EMP2: variants seen among roughly 807,000 people sequenced by gnomAD.
EMP2 encodes epithelial membrane protein 2.
Under a neutral mutation model 13.7 loss-of-function variants are expected in EMP2, and 19 were observed. The ratio of observed to expected loss-of-function variants is 1.38; its 90% confidence interval spans 0.97 to 2.03. The LOEUF is 2.03. Ranked by LOEUF, EMP2 falls within the 30% of genes most tolerant of loss-of-function variation. EMP2 has a pLI of 0.00. For missense variants in EMP2, 253 were observed against 220.7 expected (o/e 1.15, Z -0.93); for synonymous variants, 97 against 84.7 (o/e 1.15, Z -0.80).
intron 1 of EMP2, among the ~76,000 whole-genome samples, chr16:10,550,405 C>T (rs2050777983): frequency 6.6e-6 from 1 of 152,176 alleles, no homozygotes; most frequent in African/African-American, 2.4e-5. Flanking sequence ...AATACTTCCT[C>T]AGGTCTGTCT....
chr16:10,548,697 G>A (rs1205395488), intron 1 of EMP2, among the ~76,000 whole-genome samples: 5 of 151,368 alleles, frequency 3.3e-5, no homozygotes, highest in South Asian at 4.2e-4. Context: ...ACATCTCAAA[G>A]AAATAAAAAT....
chr16:10,533,036 C>A lies in EMP2; in HGVS notation c.373G>T (p.Asp125Tyr). The A allele has an allele frequency of 1.9e-6, 3 of 1,610,846 alleles. No individual in the cohort carries two copies. Among genetic ancestry groups the A allele is most frequent in the Non-Finnish European group, 2.5e-6 (3 of 1,178,564 alleles). The change falls in exon 5 of 5, where the codon GAC (aspartate) becomes TAC (tyrosine). Residue 125 changes from aspartate to tyrosine, a missense_variant. Coordinates refer to ENST00000359543, the MANE Select transcript of EMP2 (RefSeq NM_001424.6). ...ACGGGATAGAATTTCGCGTTTTTGTCGTGAATGTCTTCACGCCTGTCTGTA... is the reference window on the plus strand; with the variant it reads ...ACGGGATAGAATTTCGCGTTTTTGTAGTGAATGTCTTCACGCCTGTCTGTA... ...IYTDRREDIH[D>Y]KNAKFYPVTR...
Position 10,531,867 on chromosome 16 carries a change from G to C in EMP2, c.*1038C>G, listed in dbSNP as rs2050605760. 6.5e-6 allele frequency: 1 copy of C among 154,816 alleles called. No individual in the cohort carries two copies. Among genetic ancestry groups the C allele is most frequent in the Non-Finnish European group, 1.5e-5 (1 of 68,232 alleles). 9.6% of individuals were successfully genotyped at this position (154,816 alleles called of 1,614,324 possible). On this transcript the variant is annotated 3_prime_UTR_variant, in exon 5 of 5. Transcript: ENST00000359543. ...TGTAGCATGAAGGGCTGGACAAGAA[G>C]GGAGAGGCCTTCTGGGATAAGATGG...
intron 1 of EMP2, among the ~76,000 whole-genome samples, chr16:10,571,265 A>C (rs1334384954): frequency 2.0e-5 from 3 of 149,574 alleles, no homozygotes; most frequent in South Asian, 2.1e-4. Flanking sequence ...CAAAAAAAAA[A>C]AAAAAAAAAA....
intron 3 of EMP2, among the ~76,000 whole-genome samples, chr16:10,540,024 A>G (rs1348375185): frequency 1.3e-5 from 2 of 152,174 alleles, no homozygotes; most frequent in Non-Finnish European, 2.9e-5. Context: ...TGATGGGGCA[A>G]ATGGGGAAAA....
At chr16:10,553,132 G>A (rs2050800492) in intron 1 of EMP2, among the ~76,000 whole-genome samples, 1 of 152,226 alleles carries the variant, frequency 6.6e-6, no homozygotes, top group East Asian at 1.9e-4. Flanking sequence ...TTCACAAGTA[G>A]CGGAAATCCC....
chr16:10,550,801 C>G (rs2050781688), intron 1 of EMP2, among the ~76,000 whole-genome samples: 1 of 152,036 alleles, frequency 6.6e-6, no homozygotes, highest in South Asian at 2.1e-4. Context: ...GTAGTGAAAC[C>G]CTGTCTCTAC....
At chr16:10,551,301 C>T (rs2050786700) in intron 1 of EMP2, among the ~76,000 whole-genome samples, 1 of 152,262 alleles carries the variant, frequency 6.6e-6, no homozygotes, top group African/African-American at 2.4e-5. Flanking sequence ...AAGGTCCATC[C>T]ATGATGTGGC....
intron 3 of EMP2, among the ~76,000 whole-genome samples, chr16:10,542,950 ATTCTCTTGCTTCAGCC>A (rs1178496049): frequency 6.6e-6 from 1 of 152,194 alleles, no homozygotes; most frequent in African/African-American, 2.4e-5. Flanking sequence ...GATTCAAGCA[ATTCTCTTGCTTCAGCC>A]TCCTCAGTGG....
At chr16:10,534,235 T>C (rs542845099) in intron 4 of EMP2, among the ~76,000 whole-genome samples, 1 of 152,246 alleles carries the variant, frequency 6.6e-6, no homozygotes, top group Admixed American at 6.5e-5. Flanking sequence ...GGATGAAATA[T>C]CTGGAGTTGC....
intron 1 of EMP2, among the ~76,000 whole-genome samples, chr16:10,563,975 G>A (rs969396785): frequency 3.9e-5 from 6 of 152,258 alleles, no homozygotes; most frequent in South Asian, 2.1e-4. Flanking sequence ...GTGAACCAGT[G>A]GTGTTAGCAA....
chr16:10,577,684 C>T (rs2050992979), intron 1 of EMP2, among the ~76,000 whole-genome samples: 1 of 152,118 alleles, frequency 6.6e-6, no homozygotes, highest in Non-Finnish European at 1.5e-5. Context: ...ATCACCTGCC[C>T]TCCTGAGACA....
chr16:10,541,382 T>A (rs1427274919), intron 3 of EMP2, among the ~76,000 whole-genome samples: 1 of 152,222 alleles, frequency 6.6e-6, no homozygotes, highest in Non-Finnish European at 1.5e-5. Context: ...TCTTGTTGAA[T>A]GTTCTTTTTG....
chr16:10,540,400 G>T (rs2050685356), intron 3 of EMP2, among the ~76,000 whole-genome samples: 1 of 152,094 alleles, frequency 6.6e-6, no homozygotes, highest in South Asian at 2.1e-4. Context: ...CAGCTACTTG[G>T]GAGTTTGAGG....
At chr16:10,557,375 C>T (rs1043615229) in intron 1 of EMP2, among the ~76,000 whole-genome samples, 3 of 150,914 alleles carry the variant, frequency 2.0e-5, no homozygotes, top group Non-Finnish European at 4.4e-5. Context: ...AAAAAAAACC[C>T]AGAAAACAAA....
intron 4 of EMP2, among the ~76,000 whole-genome samples, chr16:10,536,539 C>T (rs2050648616): frequency 6.6e-6 from 1 of 152,176 alleles, no homozygotes; most frequent in African/African-American, 2.4e-5. Context: ...CCCTTTTGTT[C>T]TTCCTTTGTC....
intron 2 of EMP2, chr16:10,546,213 C>T (rs888104595): frequency 1.3e-5 from 2 of 152,146 alleles, no homozygotes; most frequent in African/African-American, 2.4e-5. Flanking sequence ...GATCCATCAA[C>T]GGGAGCCGTA....
At chr16:10,551,764 G>C (rs776121903) in intron 1 of EMP2, among the ~76,000 whole-genome samples, 2 of 152,054 alleles carry the variant, frequency 1.3e-5, no homozygotes, top group Non-Finnish European at 2.9e-5. Context: ...CCCTCCTCTA[G>C]TGGACATGCA....
In EMP2 at chr16:10,529,646, G is replaced by A. The variant is rs2050581815; in HGVS notation, c.*3259C>T. The A allele has an allele frequency of 6.6e-6, 1 of 152,054 alleles. No individual in the cohort carries two copies. The highest frequency in any genetic ancestry group is 2.4e-5 in the African/African-American group (1 of 41,388). The allele number at this position is 152,054 out of a possible 1,614,324, so 9.4% of individuals were successfully genotyped here. A position where few individuals can be genotyped will look rare whatever the true frequency, so the allele number is the denominator to read the frequency against. ...CCATCGTGACTACCAGAAAATTATA[G>A]AAGGCCAGACGCAGTGGCTCATGCC... On this transcript the variant is annotated 3_prime_UTR_variant, in exon 5 of 5. Transcript: ENST00000359543.
Sources: allele counts gnomAD v4.1 joint callset (sites outside exome capture counted in the v4.1 genomes callset), GRCh38; gene constraint gnomAD v4.1.1; transcripts MANE v1.5; gene names NCBI Gene and HGNC (gene_info 2026-07-23, HGNC 2026-07-21).